Variants in LINC00305 observed in about 807,000 individuals in gnomAD.
The protein encoded by LINC00305 is long intergenic non-protein coding RNA 305.
intron 1 of LINC00305, among the ~76,000 whole-genome samples, chr18:64,142,237 T>C (rs1264482539): frequency 6.6e-6 from 1 of 152,172 alleles, no homozygotes; most frequent in Non-Finnish European, 1.5e-5. Context: ...GGAGACTAGG[T>C]TATAAAATGT....
At chr18:64,121,139 A>G (rs556144583) in intron 1 of LINC00305, among the ~76,000 whole-genome samples, 13 of 152,254 alleles carry the variant, frequency 8.5e-5, no homozygotes, top group African/African-American at 3.1e-4. Flanking sequence ...GCTGTGTGTG[A>G]TCATTTTAAA....
chr18:64,130,150 A>AAT (rs2051403009), intron 1 of LINC00305, among the ~76,000 whole-genome samples: 1 of 152,178 alleles, frequency 6.6e-6, no homozygotes, highest in Non-Finnish European at 1.5e-5. Flanking sequence ...ATGGATGATA[A>AAT]GCCAAAATAA....
chr18:64,101,533 G>A (rs887956798), intron 1 of LINC00305, among the ~76,000 whole-genome samples: 21 of 152,094 alleles, frequency 1.4e-4, no homozygotes, highest in Admixed American at 5.9e-4. Context: ...TCTTCACATT[G>A]TCTTCCCTCT....
intron 1 of LINC00305, among the ~76,000 whole-genome samples, chr18:64,121,799 T>C (rs1330080591): frequency 2.0e-5 from 3 of 152,130 alleles, no homozygotes. Flanking sequence ...CTAATTTACG[T>C]TCCCAGGAAC....
intron 1 of LINC00305, among the ~76,000 whole-genome samples, chr18:64,131,434 T>C (rs1325842944): frequency 6.6e-6 from 1 of 152,204 alleles, no homozygotes; most frequent in African/African-American, 2.4e-5. Context: ...TAGGAAAAGC[T>C]AAATCTACAT....
chr18:64,122,493 A>G (rs2051366440), intron 1 of LINC00305, among the ~76,000 whole-genome samples: 1 of 151,980 alleles, frequency 6.6e-6, no homozygotes, highest in Non-Finnish European at 1.5e-5. Flanking sequence ...TCAGTTGGCT[A>G]TAAAAATGTG....
At chr18:64,144,101 C>T (rs2051485481) in intron 1 of LINC00305, among the ~76,000 whole-genome samples, 1 of 152,108 alleles carries the variant, frequency 6.6e-6, no homozygotes, top group South Asian at 2.1e-4. Context: ...TTCTTGAGGC[C>T]AGCACTGATT....
intron 1 of LINC00305, among the ~76,000 whole-genome samples, chr18:64,118,851 TG>T (rs1336419304): frequency 2.0e-5 from 3 of 151,800 alleles, no homozygotes; most frequent in Non-Finnish European, 2.9e-5. Context: ...TGTGTGTGTG[TG>T]TGTGTGTGTG....
chr18:64,139,443 A>G (rs1327317808), intron 1 of LINC00305: 1 of 152,148 alleles, frequency 6.6e-6, no homozygotes, highest in African/African-American at 2.4e-5. Flanking sequence ...CAGCAGAGCA[A>G]CCCTGGCAGT....
At chr18:64,109,716 T>C (rs78574451) in intron 1 of LINC00305, among the ~76,000 whole-genome samples, 18 of 152,194 alleles carry the variant, frequency 1.2e-4, no homozygotes, top group African/African-American at 4.3e-4. Context: ...GGTTTTTTTT[T>C]CCTGTCACAT....
chr18:64,138,578 C>A (rs2051446047), intron 1 of LINC00305, among the ~76,000 whole-genome samples: 1 of 152,102 alleles, frequency 6.6e-6, no homozygotes, highest in Non-Finnish European at 1.5e-5. Flanking sequence ...TTTGCAATTT[C>A]TTTTCTGATG....
intron 3 of LINC00305, among the ~76,000 whole-genome samples, chr18:64,096,977 A>C (rs1458231830): frequency 6.6e-6 from 1 of 151,894 alleles, no homozygotes; most frequent in Non-Finnish European, 1.5e-5. Flanking sequence ...ATTTTTAAAT[A>C]GCATTTTAAA....
rs538782596 is a variant in LINC00305, at chr18:64,105,371, G to A, written n.315-6731C>T. On this transcript the variant is annotated intron_variant and non_coding_transcript_variant, in intron 1 of 3. Transcript: ENST00000666468. ...AGCTACTAGGGAGGCTGAGGTGGGA[G>A]GATCTCTTGAACCTGGGAGACAGAG... Among the ~76,000 whole-genome samples the A allele has an allele frequency of 3.3e-5, 5 of 152,232 alleles. No homozygotes were observed. In the South Asian group the frequency reaches 1.0e-3, roughly 32 times the overall value.
intron 3 of LINC00305, among the ~76,000 whole-genome samples, chr18:64,086,993 G>T (rs2051205897): frequency 6.6e-6 from 1 of 152,210 alleles, no homozygotes; most frequent in Non-Finnish European, 1.5e-5. Flanking sequence ...AAGGGAAAGA[G>T]AGGGTCTATA....
chr18:64,139,076 A>G (rs2051448834), intron 1 of LINC00305, among the ~76,000 whole-genome samples: 1 of 152,198 alleles, frequency 6.6e-6, no homozygotes, highest in Non-Finnish European at 1.5e-5. Flanking sequence ...AATGCTTTTA[A>G]CAGCCTCCAA....
intron 1 of LINC00305, among the ~76,000 whole-genome samples, chr18:64,133,847 C>A (rs1259698752): frequency 6.6e-6 from 1 of 152,150 alleles, no homozygotes; most frequent in East Asian, 1.9e-4. Flanking sequence ...AAATCCAAAT[C>A]TATTATCGTT....
intron 3 of LINC00305, among the ~76,000 whole-genome samples, chr18:64,096,077 T>A (rs1434747502): frequency 2.2e-4 from 34 of 152,016 alleles, no homozygotes; most frequent in Admixed American, 2.2e-3. Flanking sequence ...TATATGCTAC[T>A]TAAAAGAGTT....
chr18:64,090,558 T>C (rs1022330479), intron 3 of LINC00305, among the ~76,000 whole-genome samples: 4 of 152,172 alleles, frequency 2.6e-5, no homozygotes, highest in Admixed American at 1.3e-4. Flanking sequence ...TTTCAATTGA[T>C]CAGTATGTGC....
chr18:64,118,335 A>G (rs537164103), intron 1 of LINC00305, among the ~76,000 whole-genome samples: 18 of 152,326 alleles, frequency 1.2e-4, no homozygotes, highest in African/African-American at 4.3e-4. Flanking sequence ...TACGAAGGCA[A>G]CCAGTATTTA....
Sources: gnomAD v4.1 joint callset for allele counts (sites outside exome capture counted in the v4.1 genomes callset) on GRCh38, gnomAD v4.1.1 for gene constraint, MANE v1.5 for transcripts, NCBI Gene and HGNC (gene_info 2026-07-23, HGNC 2026-07-21) for gene names.